The following PAQR8 variants were observed in gnomAD, a reference collection of about 807,000 sequenced individuals.
PAQR8 encodes progestin and adipoQ receptor family member 8, also known as membrane progestin receptor beta.
In PAQR8, 17 loss-of-function variants were observed where a neutral mutation model predicts 25.2. The observed-to-expected ratio is 0.67, with a 90% confidence interval of 0.46 to 1.01. PAQR8 has a LOEUF of 1.01. Ranked by LOEUF, PAQR8 falls within the 50% of genes least tolerant of loss-of-function variation. The probability of loss-of-function intolerance (pLI) is 0.00; values close to 1 mark genes in which losing one functional copy is unlikely to be tolerated. For missense variants in PAQR8, 392 were observed against 448.4 expected, an observed-to-expected ratio of 0.87 and a Z score of 1.14; for synonymous variants, 204 against 190.6, an observed-to-expected ratio of 1.07 and a Z score of -0.58.
chr6:52,376,164 G>A (rs1233026907), intron 1 of PAQR8, among the ~76,000 whole-genome samples: 1 of 152,226 alleles, frequency 6.6e-6, no homozygotes, highest in Non-Finnish European at 1.5e-5. Context: ...TAATGCGTAT[G>A]AAGCATCAAG....
intron 1 of PAQR8, among the ~76,000 whole-genome samples, chr6:52,381,876 A>T (rs1763564949): frequency 6.6e-6 from 1 of 152,220 alleles, no homozygotes; most frequent in African/African-American, 2.4e-5. Context: ...TCCCACATAC[A>T]TTAGAGAGCC....
At chr6:52,373,940 G>A (rs1175659156) in intron 1 of PAQR8, among the ~76,000 whole-genome samples, 2 of 152,144 alleles carry the variant, frequency 1.3e-5, no homozygotes. Flanking sequence ...ACTAGATCAT[G>A]GGGGCAGTTT....
rs573184173 is a variant in PAQR8, at chr6:52,404,400, A to T, written c.*122A>T. On this transcript the variant is annotated 3_prime_UTR_variant, in exon 2 of 2. Coordinates refer to ENST00000442253, the MANE Select transcript of PAQR8 (RefSeq NM_133367.5). ...TAATACATATATCCAAGGATATGTTATAGCTGCAGTGTTTGAAAGCCAAAG... is the reference window on the plus strand; with the variant it reads ...TAATACATATATCCAAGGATATGTTTTAGCTGCAGTGTTTGAAAGCCAAAG... 2.1e-6 allele frequency: 2 copies of T among 961,338 alleles called. No individual in the cohort carries two copies. The highest frequency in any genetic ancestry group is 5.3e-5 in the East Asian group (2 of 37,634). The allele number at this position is 961,338 out of a possible 1,614,324, so 59.6% of individuals were successfully genotyped here.
At chr6:52,382,370 A>G (rs1763571457) in intron 1 of PAQR8, among the ~76,000 whole-genome samples, 1 of 152,232 alleles carries the variant, frequency 6.6e-6, no homozygotes, top group African/African-American at 2.4e-5. Flanking sequence ...AGTCATATAC[A>G]TATCCAATAA....
At chr6:52,401,122 C>T (rs1178605492) in intron 1 of PAQR8, among the ~76,000 whole-genome samples, 2 of 152,200 alleles carry the variant, frequency 1.3e-5, no homozygotes. Flanking sequence ...TCCAGGTCTC[C>T]CTGAACTTCT....
chr6:52,393,033 A>T (rs1399293511), intron 1 of PAQR8, among the ~76,000 whole-genome samples: 1 of 152,212 alleles, frequency 6.6e-6, no homozygotes, highest in Non-Finnish European at 1.5e-5. Context: ...GTATATCAAA[A>T]AATATTGGGG....
rs746110663 is a variant in PAQR8 at position 52,404,083 on chromosome 6, C to T, written c.870C>T (p.Ser290=). ...HGHQIFHAFL[S]ICTLSQLEAI... ...ATCAGATCTTCCATGCATTTCTGTC[C>T]ATCTGTACGCTCTCCCAGCTGGAGG... The change falls in exon 2 of 2, where the codon TCC becomes TCT. Residue 290 remains serine, a synonymous_variant. Transcript: ENST00000442253. 3.7e-6 allele frequency: 6 copies of T among 1,614,102 alleles called. No homozygotes were observed. The African/African-American group carries it at 5.3e-5, about 14-fold the overall frequency.
At chr6:52,402,307 TGAACCAA>T (rs1477272192) in intron 1 of PAQR8, among the ~76,000 whole-genome samples, 2 of 151,084 alleles carry the variant, frequency 1.3e-5, no homozygotes, top group Non-Finnish European at 2.9e-5. Context: ...GAAGTTGCAG[TGAACCAA>T]GATTGCGCCA....
chr6:52,388,889 C>T (rs1364461491), intron 1 of PAQR8, among the ~76,000 whole-genome samples: 1 of 152,192 alleles, frequency 6.6e-6, no homozygotes, highest in Non-Finnish European at 1.5e-5. Flanking sequence ...TTGCCAGGCA[C>T]AGCAGGCTAC....
intron 1 of PAQR8, among the ~76,000 whole-genome samples, chr6:52,393,414 T>A (rs906549519): frequency 1.4e-5 from 2 of 147,640 alleles, no homozygotes; most frequent in Non-Finnish European, 3.0e-5. Flanking sequence ...TGGCTCACTG[T>A]AGCCTCAATC....
chr6:52,401,391 T>C (rs557089895), intron 1 of PAQR8, among the ~76,000 whole-genome samples: 1 of 152,298 alleles, frequency 6.6e-6, no homozygotes, highest in Non-Finnish European at 1.5e-5. Flanking sequence ...TAACTAGAAA[T>C]GATCAAAATC....
chr6:52,394,732 A>C (rs749670151), intron 1 of PAQR8, among the ~76,000 whole-genome samples: 35 of 152,184 alleles, frequency 2.3e-4, no homozygotes, highest in Non-Finnish European at 5.9e-5. Context: ...AGGTGCATTA[A>C]ATGCATTTTC....
chr6:52,387,228 G>A (rs976023960), intron 1 of PAQR8, among the ~76,000 whole-genome samples: 2 of 152,194 alleles, frequency 1.3e-5, no homozygotes, highest in African/African-American at 4.8e-5. Flanking sequence ...TAGTGCTCCT[G>A]GGTCACTACA....
At chr6:52,374,378 C>T (rs530214446) in intron 1 of PAQR8, among the ~76,000 whole-genome samples, 1 of 151,912 alleles carries the variant, frequency 6.6e-6, no homozygotes, top group South Asian at 2.1e-4. Context: ...TCGCTTCTTT[C>T]CTCCTCCTCC....
At chr6:52,398,439 C>T (rs957452361) in intron 1 of PAQR8, among the ~76,000 whole-genome samples, 1 of 152,124 alleles carries the variant, frequency 6.6e-6, no homozygotes, top group African/African-American at 2.4e-5. Flanking sequence ...AACTTCTGAC[C>T]TCAGGTGATC....
At chr6:52,364,083 G>GTTTTTT (rs67846872) in intron 1 of PAQR8, among the ~76,000 whole-genome samples, 1,584 of 84,214 alleles carry the variant, frequency 0.019, 258 homozygotes, top group Non-Finnish European at 0.026. Context: ...TGAAAGATAT[G>GTTTTTT]TTTTTTTTTT....
chr6:52,392,754 C>A (rs1295310810), intron 1 of PAQR8, among the ~76,000 whole-genome samples: 1 of 152,180 alleles, frequency 6.6e-6, no homozygotes, highest in East Asian at 1.9e-4. Flanking sequence ...CACAACAAAC[C>A]ATGTGTCTCT....
Position 52,379,619 on chromosome 6 carries a change from C to CTTTTTTTTTTTTTTTTTTT in PAQR8, c.-53+17377_-53+17395dup, listed in dbSNP as rs909812638. Among the ~76,000 whole-genome samples the CTTTTTTTTTTTTTTTTTTT allele has an allele frequency of 8.7e-4, 67 of 77,226 alleles. 5 individuals carry two copies. Among genetic ancestry groups the CTTTTTTTTTTTTTTTTTTT allele is most frequent in the Non-Finnish European group, 1.3e-3 (52 of 39,770 alleles). The allele number at this position is 77,226 out of a possible 152,430, so 50.7% of individuals were successfully genotyped here. On this transcript the variant is annotated intron_variant, in intron 1 of 1. Coordinates refer to ENST00000442253, the MANE Select transcript of PAQR8 (RefSeq NM_133367.5). ...GGTGCGTACCGCCACACCCAGCTTT[C>CTTTTTTTTTTTTTTTTTTT]TTTTTTTTTTTTTTTTTTTTTTTTT...
chr6:52,367,771 G>T (rs1763370467), intron 1 of PAQR8, among the ~76,000 whole-genome samples: 1 of 152,200 alleles, frequency 6.6e-6, no homozygotes, highest in Admixed American at 6.5e-5. Context: ...TTCCATGTGG[G>T]CTACACTTGG....
Sources: gnomAD v4.1 joint callset for allele counts (sites outside exome capture counted in the v4.1 genomes callset) on GRCh38, gnomAD v4.1.1 for gene constraint, MANE v1.5 for transcripts, NCBI Gene and HGNC (gene_info 2026-07-23, HGNC 2026-07-21) for gene names.